Variants in CMSS1 observed in about 807,000 individuals in gnomAD.
CMSS1 encodes protein CMSS1.
A neutral mutation model predicts 43.5 loss-of-function variants in CMSS1; 33 were observed. That is an observed-to-expected ratio of 0.76 (90% confidence interval 0.57 to 1.01). CMSS1 has a LOEUF of 1.01. Ranked by LOEUF, CMSS1 falls within the 50% of genes least tolerant of loss-of-function variation. The probability of loss-of-function intolerance (pLI) is 0.00; values close to 1 mark genes in which losing one functional copy is unlikely to be tolerated. For missense variants in CMSS1, 313 were observed against 326.4 expected (o/e 0.96, Z 0.32); for synonymous variants, 115 against 117.2 (o/e 0.98, Z 0.12).
intron 4 of CMSS1, among the ~76,000 whole-genome samples, chr3:100,163,767 G>A (rs529258250): frequency 1.3e-5 from 2 of 152,224 alleles, no homozygotes; most frequent in South Asian, 4.1e-4. Flanking sequence ...AGGCAGGGAT[G>A]GGAGGAAATA....
At chr3:100,091,464 CAA>C (rs1344425701) in intron 1 of CMSS1, among the ~76,000 whole-genome samples, 2 of 152,144 alleles carry the variant, frequency 1.3e-5, no homozygotes, top group African/African-American at 4.8e-5. Context: ...AATTAGGTAA[CAA>C]GAGCAGCCAG....
chr3:100,119,796 C>G (rs566239249), intron 1 of CMSS1, among the ~76,000 whole-genome samples: 14 of 152,292 alleles, frequency 9.2e-5, no homozygotes, highest in Admixed American at 3.9e-4. Flanking sequence ...TGACTAACAG[C>G]AAAATTGACA....
At chr3:100,132,547 C>T (rs1345394195) in intron 1 of CMSS1, among the ~76,000 whole-genome samples, 6 of 151,162 alleles carry the variant, frequency 4.0e-5, no homozygotes, top group Non-Finnish European at 5.9e-5. Context: ...AGGCCAGGTG[C>T]GGTGGCTCAC....
At chr3:100,016,672 A>G (rs1243989473) in intron 1 of CMSS1, among the ~76,000 whole-genome samples, 4 of 152,234 alleles carry the variant, frequency 2.6e-5, no homozygotes, top group Non-Finnish European at 5.9e-5. Flanking sequence ...TTTCACATGT[A>G]AAGTCCATGC....
intron 1 of CMSS1, among the ~76,000 whole-genome samples, chr3:99,967,861 G>A (rs938849394): frequency 1.1e-4 from 16 of 152,162 alleles, no homozygotes; most frequent in African/African-American, 3.9e-4. Flanking sequence ...GACACAACAT[G>A]CTCAGGAAAG....
intron 1 of CMSS1, among the ~76,000 whole-genome samples, chr3:99,955,616 T>C (rs1489810023): frequency 6.6e-6 from 1 of 152,166 alleles, no homozygotes; most frequent in East Asian, 1.9e-4. Flanking sequence ...AAAAAATTAA[T>C]CATATTTTCC....
chr3:100,126,489 T>G (rs1299833300), intron 1 of CMSS1, among the ~76,000 whole-genome samples: 1 of 152,220 alleles, frequency 6.6e-6, no homozygotes, highest in Non-Finnish European at 1.5e-5. Context: ...AAACGTAGAA[T>G]CAAATTTGTG....
intron 1 of CMSS1, among the ~76,000 whole-genome samples, chr3:100,142,171 A>G (rs2066810690): frequency 6.6e-6 from 1 of 152,248 alleles, no homozygotes; most frequent in Non-Finnish European, 1.5e-5. Context: ...TTTTATAAGC[A>G]AGGTATTTTA....
chr3:100,174,769 T>A (rs2067136302), intron 8 of CMSS1, among the ~76,000 whole-genome samples: 1 of 152,210 alleles, frequency 6.6e-6, no homozygotes, highest in Admixed American at 6.5e-5. Flanking sequence ...AGATATCCCA[T>A]GACATTGGGA....
chr3:100,067,300 T>C (rs928544656), intron 1 of CMSS1, among the ~76,000 whole-genome samples: 1 of 152,252 alleles, frequency 6.6e-6, no homozygotes, highest in Non-Finnish European at 1.5e-5. Context: ...TCTTGGCATT[T>C]ATACAAGTTA....
At chr3:99,994,174 A>G (rs1709604633) in intron 1 of CMSS1, among the ~76,000 whole-genome samples, 1 of 152,140 alleles carries the variant, frequency 6.6e-6, no homozygotes, top group South Asian at 2.1e-4. Flanking sequence ...TCTGTTCAGG[A>G]GTACTATTTC....
chr3:99,846,848 C>A (rs778518456), intron 1 of CMSS1, among the ~76,000 whole-genome samples: 2 of 152,174 alleles, frequency 1.3e-5, no homozygotes, highest in African/African-American at 2.4e-5. Context: ...AAATTAACCA[C>A]ACTAAATTAA....
At chr3:99,848,320 G>T in intron 1 of CMSS1, 1 of 1,614,104 alleles carries the variant, frequency 6.2e-7, no homozygotes, top group South Asian at 1.1e-5. Context: ...TCGAGGAAGA[G>T]GTGTGGCTGT....
At chr3:99,849,925 C>T in intron 1 of CMSS1, 1 of 1,612,852 alleles carries the variant, frequency 6.2e-7, no homozygotes, top group African/African-American at 1.3e-5. Flanking sequence ...CATATTAACT[C>T]TTGACAGGAG....
intron 1 of CMSS1, among the ~76,000 whole-genome samples, chr3:100,022,607 T>C (rs2064846150): frequency 6.6e-6 from 1 of 152,276 alleles, no homozygotes; most frequent in Admixed American, 6.5e-5. Flanking sequence ...GGAATGGACA[T>C]AGATGAGGGA....
intron 1 of CMSS1, among the ~76,000 whole-genome samples, chr3:100,035,255 A>G (rs1032867137): frequency 1.3e-5 from 2 of 152,148 alleles, no homozygotes; most frequent in African/African-American, 2.4e-5. Context: ...CTGTGCGCAT[A>G]TTCCTCCTTA....
chr3:99,930,222 T>C (rs931735055), intron 1 of CMSS1, among the ~76,000 whole-genome samples: 8 of 152,246 alleles, frequency 5.3e-5, no homozygotes, highest in Non-Finnish European at 1.0e-4. Flanking sequence ...ACACAATTAA[T>C]GTTTTAAAAA....
chr3:99,924,922 A>T (rs1230871415), intron 1 of CMSS1, among the ~76,000 whole-genome samples: 1 of 152,128 alleles, frequency 6.6e-6, no homozygotes, highest in African/African-American at 2.4e-5. Flanking sequence ...TTGCCATCAA[A>T]TTTTTCTTGA....
intron 1 of CMSS1, chr3:99,850,508 T>C (rs1375777547): frequency 6.2e-7 from 1 of 1,613,026 alleles, no homozygotes; most frequent in Non-Finnish European, 8.5e-7. Flanking sequence ...TCCATTTTTA[T>C]GAGCTCTTCA....
Sources: allele counts gnomAD v4.1 joint callset (sites outside exome capture counted in the v4.1 genomes callset), GRCh38; gene constraint gnomAD v4.1.1; transcripts MANE v1.5; gene names NCBI Gene and HGNC (gene_info 2026-07-23, HGNC 2026-07-21).